The following ZFP36L2 variants were observed in gnomAD, a reference collection of about 807,000 sequenced individuals.
The protein encoded by ZFP36L2 is mRNA decay activator protein ZFP36L2.
Under a neutral mutation model 27.9 loss-of-function variants are expected in ZFP36L2, and 16 were observed. The observed-to-expected ratio is 0.57, with a 90% CI of 0.39 to 0.87. The LOEUF (loss-of-function observed/expected upper bound fraction) is 0.87. Ranked by LOEUF, ZFP36L2 falls within the 40% of genes least tolerant of loss-of-function variation. The pLI, the probability that ZFP36L2 is intolerant of heterozygous loss-of-function variation, is 0.00. For synonymous variants in ZFP36L2, 600 were observed against 363.8 expected, an observed-to-expected ratio of 1.65 and a Z score of -7.39; for missense variants, 989 against 726.9, an observed-to-expected ratio of 1.36 and a Z score of -4.15.
rs984012862 is a variant in ZFP36L2, at chr2:43,222,793, C to T, written c.*1526G>A. 2.6e-5 allele frequency: 4 copies of T among 152,330 alleles called. No individual in the cohort carries two copies. The highest frequency in any genetic ancestry group is 9.7e-5 in the African/African-American group (4 of 41,444). The allele number at this position is 152,330 out of a possible 1,614,324, so 9.4% of individuals were successfully genotyped here. On this transcript the variant is annotated 3_prime_UTR_variant, in exon 2 of 2. Transcript: ENST00000282388. ...TCTATATAAAAAAAGTGGTAAAAAT[C>T]TTTTCCTTTTGTGCAGTTGAACCCA... is the stretch of plus-strand genomic sequence containing the variant.
In ZFP36L2 at chr2:43,225,318, G is replaced by C; in HGVS notation, c.486C>G (p.Phe162Leu). ...CGTACTTGCACGTGCCGCTCTCCTC[G>C]AAGGGCCGGCACAGCTCGGTCTTGT... The part of the protein sequence containing the change: ...TRYKTELCRP[F>L]EESGTCKYGE... The change falls in exon 2 of 2, where the codon TTC (phenylalanine) becomes TTG (leucine). Residue 162 changes from phenylalanine to leucine, a missense_variant. Transcript: ENST00000282388. 1 of 1,613,064 alleles carries C rather than the reference G, an allele frequency of 6.2e-7. No homozygotes were observed.
rs1181902399 is a variant in ZFP36L2, at chr2:43,226,364, G to A, written c.-49C>T. The A allele has an allele frequency of 2.6e-6, 4 of 1,554,830 alleles. No individual in the cohort carries two copies. Among genetic ancestry groups the A allele is most frequent in the African/African-American group, 1.4e-5 (1 of 73,096 alleles). On this transcript the variant is annotated 5_prime_UTR_variant, in exon 1 of 2. Coordinates refer to ENST00000282388, the MANE Select transcript of ZFP36L2 (RefSeq NM_006887.5). Reference sequence around the variant, plus strand: ...GAGCGGCAGGCCGGGAGGTCGGGAGGAGCCCTTGGGGCGGCGTGGCCGGGC... The same window carrying A: ...GAGCGGCAGGCCGGGAGGTCGGGAGAAGCCCTTGGGGCGGCGTGGCCGGGC...
At position 43,224,546 on chromosome 2, in the gene ZFP36L2, C is replaced by G. The variant is rs1179958520; in HGVS notation, c.1258G>C (p.Gly420Arg). The G allele has an allele frequency of 1.8e-5, 25 of 1,426,394 alleles. 1 individual carries two copies. Among genetic ancestry groups the G allele is most frequent in the Non-Finnish European group, 2.2e-5 (24 of 1,095,158 alleles). The allele number at this position is 1,426,394 out of a possible 1,614,324, so 88.4% of individuals were successfully genotyped here. ...GGCGGCGAGGGAGGTGCGGCGGCCC[C>G]GGCGGGGAGGGTCGCGCTGGGCGGC... ...PAPPSATLPA[G>R]AAAPPSPPFS... Residue 420 changes from glycine (G) to arginine (R), a missense_variant, in exon 2 of 2, where the codon GGG becomes CGG. Gly to Arg is a moderately radical substitution (Grantham distance 125, BLOSUM62 -2). Transcript: ENST00000282388.
In ZFP36L2 at chr2:43,224,946, G is replaced by C. The variant is rs1667055215; in HGVS notation, c.858C>G (p.Arg286=). ...SPLLLDSPTS[R]TPPPPSCSSA... ...AAGAGCAGGAGGGCGGCGGCGGCGT[G>C]CGCGACGTGGGGCTGTCGAGCAGCA... The change falls in exon 2 of 2, where the codon CGC becomes CGG. Residue 286 remains arginine (R), a synonymous_variant. Transcript: ENST00000282388. 2.6e-6 allele frequency: 4 copies of C among 1,552,468 alleles called. No individual in the cohort carries two copies. Among genetic ancestry groups the C allele is most frequent in the East Asian group, 4.8e-5 (2 of 41,588 alleles).
chr2:43,224,583 C>A lies in ZFP36L2; in HGVS notation c.1221G>T (p.Ala407=). The A allele has an allele frequency of 1.5e-6, 2 of 1,338,160 alleles. No individual in the cohort carries two copies. The highest frequency in any genetic ancestry group is 1.5e-5 in the African/African-American group (1 of 65,544). The allele number at this position is 1,338,160 out of a possible 1,614,324, so 82.9% of individuals were successfully genotyped here. ...QQQQQGLAPP[A]QPPAPPSATL... ...TCGCGCTGGGCGGCGCCGGCGGCTG[C>A]GCGGGGGGCGCCAGGCCCTGCTGCT... Residue 407 remains alanine (A), a synonymous_variant, in exon 2 of 2, where the codon GCG becomes GCT. Coordinates refer to ENST00000282388, the MANE Select transcript of ZFP36L2 (RefSeq NM_006887.5).
At position 43,225,414 on chromosome 2, in the gene ZFP36L2, G is replaced by C. The variant is rs1667069025; in HGVS notation, c.390C>G (p.Arg130=). 1 of 1,613,330 alleles carries C rather than the reference G, an allele frequency of 6.2e-7. No individual in the cohort carries two copies. Among genetic ancestry groups the C allele is most frequent in the Non-Finnish European group, 8.5e-7 (1 of 1,179,850 alleles). Residue 130 remains arginine, a synonymous_variant, in exon 2 of 2, where the codon CGC becomes CGG. Coordinates refer to ENST00000282388, the MANE Select transcript of ZFP36L2 (RefSeq NM_006887.5). ...GCTGCAGGTGCAGGAGGTGCTGGCTGCGATCGCCGTTCTCGCTAAACGAGC... is the reference window on the plus strand; with the variant it reads ...GCTGCAGGTGCAGGAGGTGCTGGCTCCGATCGCCGTTCTCGCTAAACGAGC... The part of the protein sequence containing the change: ...RDRSFSENGD[R]SQHLLHLQQQ...
At chr2:43,225,854 T>C (rs572465367) in intron 1 of ZFP36L2, 102 bp from the exon 2 acceptor site, 1 of 1,278,174 alleles carries the variant, frequency 7.8e-7, no homozygotes, top group South Asian at 1.5e-5. Flanking sequence ...TTTCCTTTTT[T>C]TCCCCCACTC....
chr2:43,225,900 A>C, intron 1 of ZFP36L2, 148 bp from the exon 2 acceptor site: 1 of 850,282 alleles, frequency 1.2e-6, no homozygotes. Flanking sequence ...CCCTCCACCT[A>C]TACACGCGCA....
intron 1 of ZFP36L2, 84 bp downstream of exon 1, chr2:43,226,181 G>A: frequency 3.3e-6 from 5 of 1,521,866 alleles, no homozygotes; most frequent in Non-Finnish European, 4.5e-6. Context: ...CAGGGCGGGA[G>A]GGGCGTCCCC....
chr2:43,225,479 C>T lies in ZFP36L2; in HGVS notation c.325G>A (p.Gly109Ser), dbSNP rs11675632. The T allele has an allele frequency of 0.072, 115,767 of 1,603,304 alleles. 5,200 individuals are homozygous for T. The highest frequency in any genetic ancestry group is 0.19 in the South Asian group (17,135 of 90,386). ...TTCTCCTTGTTGAGCAGGGCTGTGCCGCCGCCCCCCGACGGCTCCTTAAGG... is the reference window on the plus strand; with the variant it reads ...TTCTCCTTGTTGAGCAGGGCTGTGCTGCCGCCCCCCGACGGCTCCTTAAGG... ...GTLKEPSGGG[G>S]TALLNKENKF... Residue 109 changes from glycine to serine, a missense_variant, in exon 2 of 2, where the codon GGC becomes AGC. By Grantham distance (56) the Gly-to-Ser change is moderately conservative. Transcript: ENST00000282388.
In ZFP36L2 at chr2:43,224,706, A is replaced by G. The variant is rs1299148278; in HGVS notation, c.1098T>C (p.Gly366=). The change falls in exon 2 of 2, where the codon GGT becomes GGC. Residue 366 remains glycine, a synonymous_variant. Transcript: ENST00000282388. The part of the protein sequence containing the change: ...ASCANNAFAF[G]PELSSLITPL... ...GCGTGATGAGGCTGCTGAGCTCCGG[A>G]CCGAAGGCGAAGGCGTTGTTGGCGC... is the stretch of plus-strand genomic sequence containing the variant. 2.0e-6 allele frequency: 3 copies of G among 1,534,874 alleles called. No individual in the cohort carries two copies. The highest frequency in any genetic ancestry group is 1.2e-5 in the South Asian group (1 of 84,710).
At position 43,224,619 on chromosome 2, in the gene ZFP36L2, CT is replaced by C; in HGVS notation, c.1184del (p.Gln395ArgfsTer66). On this transcript the variant is annotated frameshift_variant, in exon 2 of 2. Coordinates refer to ENST00000282388, the MANE Select transcript of ZFP36L2 (RefSeq NM_006887.5). LOFTEE classifies it high-confidence loss of function. ...AVAAAAYYRS[Q>X]QQQQQQGLAP... Reference sequence around the variant, plus strand: ...CCAGGCCCTGCTGCTGCTGCTGCTGCTGACTGCGGTAGTAGGCGGCGGCGGC... The same window carrying C: ...CCAGGCCCTGCTGCTGCTGCTGCTGCGACTGCGGTAGTAGGCGGCGGCGGC... 1 of 1,468,548 alleles carries C rather than the reference CT, an allele frequency of 6.8e-7. No homozygotes were observed. Among genetic ancestry groups the C allele is most frequent in the Non-Finnish European group, 9.0e-7 (1 of 1,112,082 alleles). The allele number at this position is 1,468,548 out of a possible 1,614,324, so 91.0% of individuals were successfully genotyped here. A position where few individuals can be genotyped will look rare whatever the true frequency, so the allele number is the denominator to read the frequency against.
In ZFP36L2 at chr2:43,225,304, G is replaced by T. The variant is rs2103976474; in HGVS notation, c.500C>A (p.Thr167Lys). The T allele has an allele frequency of 1.9e-6, 3 of 1,612,738 alleles. No individual in the cohort carries two copies. Among genetic ancestry groups the T allele is most frequent in the Non-Finnish European group, 2.5e-6 (3 of 1,179,960 alleles). ...CTGGCACTTTTCGCCGTACTTGCAC[G>T]TGCCGCTCTCCTCGAAGGGCCGGCA... is the stretch of plus-strand genomic sequence containing the variant. ...ELCRPFEESG[T>K]CKYGEKCQFA... Residue 167 changes from threonine (T) to lysine (K), a missense_variant, in exon 2 of 2, where the codon ACG becomes AAG. Physicochemically the swap from Thr to Lys is moderately conservative, Grantham distance 78 (BLOSUM62 -1). Coordinates refer to ENST00000282388, the MANE Select transcript of ZFP36L2 (RefSeq NM_006887.5).
In ZFP36L2 at chr2:43,225,488, C is replaced by G. The variant is rs761560903; in HGVS notation, c.316G>C (p.Gly106Arg). Residue 106 changes from glycine (G) to arginine (R), a missense_variant, in exon 2 of 2, where the codon GGG becomes CGG. Gly to Arg is a moderately radical substitution (Grantham distance 125). Transcript: ENST00000282388. Reference sequence around the variant, plus strand: ...TTGAGCAGGGCTGTGCCGCCGCCCCCCGACGGCTCCTTAAGGGTGCCGTAG... The same window carrying G: ...TTGAGCAGGGCTGTGCCGCCGCCCCGCGACGGCTCCTTAAGGGTGCCGTAG... ...TSYGTLKEPS[G>R]GGGTALLNKE... The G allele has an allele frequency of 3.1e-6, 5 of 1,610,216 alleles. No homozygotes were observed. The highest frequency in any genetic ancestry group is 1.7e-4 in the Middle Eastern group (1 of 6,052).
Position 43,224,582 on chromosome 2 carries a change from G to T in ZFP36L2, c.1222C>A (p.Gln408Lys), listed in dbSNP as rs1439830262. ...QQQQGLAPPA[Q>K]PPAPPSATLP... ...GTCGCGCTGGGCGGCGCCGGCGGCT[G>T]CGCGGGGGGCGCCAGGCCCTGCTGC... Residue 408 changes from glutamine to lysine, a missense_variant, in exon 2 of 2, where the codon CAG (glutamine) becomes AAG (lysine). By Grantham distance (53) the Gln-to-Lys change is moderately conservative (BLOSUM62 1). Coordinates refer to ENST00000282388, the MANE Select transcript of ZFP36L2 (RefSeq NM_006887.5). 1.5e-6 allele frequency: 2 copies of T among 1,338,426 alleles called. No homozygotes were observed. Among genetic ancestry groups the T allele is most frequent in the Non-Finnish European group, 1.9e-6 (2 of 1,050,218 alleles). 82.9% of individuals were successfully genotyped at this position (1,338,426 alleles called of 1,614,324 possible).
In ZFP36L2 at chr2:43,223,580, C is replaced by T. The variant is rs556876578; in HGVS notation, c.*739G>A. On this transcript the variant is annotated 3_prime_UTR_variant, in exon 2 of 2. Coordinates refer to ENST00000282388, the MANE Select transcript of ZFP36L2 (RefSeq NM_006887.5). ...CAAAGTAAGCTCTGCGCAAGGCTTC[C>T]AGAGGGAGCAGACAAAATGGTTCTA... is the stretch of plus-strand genomic sequence containing the variant. 1 of 152,770 alleles carries T rather than the reference C, an allele frequency of 6.5e-6. No homozygotes were observed. The highest frequency in any genetic ancestry group is 1.9e-4 in the East Asian group (1 of 5,330). The allele number at this position is 152,770 out of a possible 1,614,324, so 9.5% of individuals were successfully genotyped here.
In ZFP36L2 at chr2:43,224,131, GA is replaced by G; in HGVS notation, c.*187del. ...AAAAAAAAAAAGACAAGAGGAAACC[GA>G]AAAAGGAGGGGTGGGGGCCCCTCCC... On this transcript the variant is annotated 3_prime_UTR_variant, in exon 2 of 2. Transcript: ENST00000282388. The G allele has an allele frequency of 2.3e-6, 1 of 441,374 alleles. No individual in the cohort carries two copies. Among genetic ancestry groups the G allele is most frequent in the Non-Finnish European group, 3.8e-6 (1 of 264,646 alleles). The allele number at this position is 441,374 out of a possible 1,614,324, so 27.3% of individuals were successfully genotyped here.
Position 43,225,505 on chromosome 2 carries a change from G to T in ZFP36L2, c.299C>A (p.Thr100Asn). The change falls in exon 2 of 2, where the codon ACC becomes AAC. Residue 100 changes from threonine to asparagine, a missense_variant. Transcript: ENST00000282388. ...AAAGGPTSYG[T>N]LKEPSGGGGT... ...GCCGCCCCCCGACGGCTCCTTAAGGGTGCCGTAGGAGGTCGGACCGCCGGC... is the reference window on the plus strand; with the variant it reads ...GCCGCCCCCCGACGGCTCCTTAAGGTTGCCGTAGGAGGTCGGACCGCCGGC... 1 of 1,606,424 alleles carries T rather than the reference G, an allele frequency of 6.2e-7. No homozygotes were observed.
In ZFP36L2 at chr2:43,224,365, C is replaced by T; in HGVS notation, c.1439G>A (p.Gly480Asp). Residue 480 changes from glycine (G) to aspartate (D), a missense_variant, in exon 2 of 2, where the codon GGC (glycine) becomes GAC (aspartate). Gly to Asp is a moderately conservative substitution (Grantham distance 94). Transcript: ENST00000282388. ...GCGGCTGAAGATTGGCAGGCGGCGG[C>T]CAGGGTCGAGGCTGGGAGACTCAGA... The part of the protein sequence containing the change: ...SGSESPSLDP[G>D]RRLPIFSRLS... 3 of 1,559,312 alleles carry T rather than the reference C, an allele frequency of 1.9e-6. No homozygotes were observed. The highest frequency in any genetic ancestry group is 2.6e-6 in the Non-Finnish European group (3 of 1,158,724).
Sources: allele counts gnomAD v4.1 joint callset, GRCh38; gene constraint gnomAD v4.1.1; transcripts MANE v1.5; gene names NCBI Gene and HGNC (gene_info 2026-07-23, HGNC 2026-07-21).